UACA: variants seen among roughly 807,000 people sequenced by gnomAD.
The protein encoded by UACA is uveal autoantigen with coiled-coil domains and ankyrin repeats.
UACA carries 112 observed loss-of-function variants against 160.5 expected under a neutral mutation model. That is an observed-to-expected ratio of 0.70 (90% confidence interval 0.60 to 0.82). The LOEUF is 0.82. Among genes scored for constraint, UACA ranks in the 40% least tolerant of loss-of-function variants. The pLI is 0.00. For missense variants in UACA, 1,574 were observed against 1,614.6 expected (o/e 0.97, Z 0.43); for synonymous variants, 557 against 568.4 (o/e 0.98, Z 0.29).
intron 1 of UACA, among the ~76,000 whole-genome samples, chr15:70,714,943 T>A (rs184619130): frequency 2.2e-4 from 34 of 152,346 alleles, no homozygotes; most frequent in Admixed American, 1.9e-3. Flanking sequence ...GGAGATGCAT[T>A]AAATTACTAA....
chr15:70,696,501 C>T (rs1005470623), intron 2 of UACA, among the ~76,000 whole-genome samples: 2 of 152,202 alleles, frequency 1.3e-5, no homozygotes, highest in Admixed American at 1.3e-4. Context: ...CTCAGTCTTG[C>T]GACGCTATTA....
chr15:70,738,906 T>G (rs1253155657), intron 1 of UACA, among the ~76,000 whole-genome samples: 3 of 152,230 alleles, frequency 2.0e-5, no homozygotes, highest in Non-Finnish European at 2.9e-5. Context: ...TACAGTCAAC[T>G]AGTAAACAGG....
chr15:70,719,415 C>T (rs1005069611), intron 1 of UACA, among the ~76,000 whole-genome samples: 4 of 152,246 alleles, frequency 2.6e-5, no homozygotes, highest in South Asian at 2.1e-4. Context: ...GGGATTCCCC[C>T]GACAGGCAGA....
At chr15:70,707,073 T>C (rs1898542455) in intron 1 of UACA, among the ~76,000 whole-genome samples, 1 of 152,178 alleles carries the variant, frequency 6.6e-6, no homozygotes, top group South Asian at 2.1e-4. Context: ...AGTGTCATAA[T>C]GGCATAAAGA....
intron 1 of UACA, chr15:70,702,426 A>T: frequency 1.9e-6 from 1 of 527,170 alleles, no homozygotes; most frequent in Non-Finnish European, 2.4e-6. Flanking sequence ...AGCAGCTAAG[A>T]ATATATTGTA....
chr15:70,689,574 A>C (rs1897852484), intron 5 of UACA, among the ~76,000 whole-genome samples: 1 of 152,126 alleles, frequency 6.6e-6, no homozygotes, highest in Non-Finnish European at 1.5e-5. Context: ...TAAGGTATAA[A>C]ATTTTGAAGG....
intron 1 of UACA, among the ~76,000 whole-genome samples, chr15:70,717,911 A>G (rs1230552638): frequency 6.6e-6 from 1 of 151,998 alleles, no homozygotes; most frequent in Non-Finnish European, 1.5e-5. Flanking sequence ...AGAAGAAGCA[A>G]TTCTACCTCA....
At position 70,684,437 on chromosome 15, in the gene UACA, G is replaced by A. The variant is rs145754980; in HGVS notation, c.612C>T (p.Leu204=). 149 of 1,608,210 alleles carry A rather than the reference G, an allele frequency of 9.3e-5. No homozygotes were observed. Among genetic ancestry groups the A allele is most frequent in the South Asian group, 7.7e-4 (69 of 89,396 alleles). The change falls in exon 8 of 19, where the codon CTC becomes CTT. Residue 204 remains leucine, a synonymous_variant. Coordinates refer to ENST00000322954, the MANE Select transcript of UACA (RefSeq NM_018003.4). ...TGCAACCATATTCGCAACCTAGCAT[G>A]AGGGCAGTTCTAAATGGAAAAATGG... ...NSRDKQNRTA[L]MLGCEYGCRD...
rs143075822 is a variant in UACA, at chr15:70,713,292, G to A, written c.79-13632C>T. ...GAACCCAGGAGGCAGAGCCTGCAGT[G>A]AGCCGAGATCGCGCCACTGCACTCC... On this transcript the variant is annotated intron_variant, in intron 1 of 18. Coordinates refer to ENST00000322954, the MANE Select transcript of UACA (RefSeq NM_018003.4). Among the ~76,000 whole-genome samples, 643 of 152,320 alleles carry A rather than the reference G, an allele frequency of 4.2e-3. 3 individuals are homozygous for A. Among genetic ancestry groups the A allele is most frequent in the Non-Finnish European group, 6.7e-3 (454 of 68,020 alleles).
At chr15:70,663,653 A>G (rs1896798167) in intron 17 of UACA, among the ~76,000 whole-genome samples, 1 of 152,150 alleles carries the variant, frequency 6.6e-6, no homozygotes, top group African/African-American at 2.4e-5. Context: ...GATTAAGAAA[A>G]TGTGGCACAT....
chr15:70,725,145 G>A (rs1190610946), intron 1 of UACA, among the ~76,000 whole-genome samples: 1 of 151,576 alleles, frequency 6.6e-6, no homozygotes, highest in African/African-American at 2.4e-5. Flanking sequence ...ATAGATTTTT[G>A]GTAAATCCTA....
In UACA at chr15:70,668,947, C is replaced by A; in HGVS notation, c.1737G>T (p.Arg579Ser). 1 of 1,613,792 alleles carries A rather than the reference C, an allele frequency of 6.2e-7. No homozygotes were observed. Among genetic ancestry groups the A allele is most frequent in the Non-Finnish European group, 8.5e-7 (1 of 1,179,964 alleles). Reference protein sequence around the residue: ...QNEMIVEEFKRDEGKLIEENK... With the variant: ...QNEMIVEEFKSDEGKLIEENK... ...TTTCTTCTATCAGCTTGCCTTCATC[C>A]CTCTTAAACTCTTCTACTATCATCT... The change falls in exon 16 of 19, where the codon AGG (arginine) becomes AGT (serine). Residue 579 changes from arginine to serine, a missense_variant. Transcript: ENST00000322954.
In UACA at chr15:70,669,141, G is replaced by A; in HGVS notation, c.1543C>T (p.Gln515Ter). The stretch of plus-strand genomic sequence containing the variant: ...AGGGCAAGAAAATGGGTCTGCATTT[G>A]TTTAACTTTACCTTCTGACTCATAC... ...RMYESEGKVK[Q>*]MQTHFLALKE... Residue 515 changes from glutamine to a stop codon, truncating the protein, a stop_gained, in exon 16 of 19, where the codon CAA (glutamine) becomes TAA (stop). Transcript: ENST00000322954. LOFTEE classifies it high-confidence loss of function. 1 of 1,614,078 alleles carries A rather than the reference G, an allele frequency of 6.2e-7. No homozygotes were observed. Among genetic ancestry groups the A allele is most frequent in the Non-Finnish European group, 8.5e-7 (1 of 1,179,986 alleles).
intron 15 of UACA, among the ~76,000 whole-genome samples, chr15:70,669,979 T>C (rs1219922933): frequency 6.6e-6 from 1 of 152,220 alleles, no homozygotes; most frequent in Non-Finnish European, 1.5e-5. Context: ...ACCTTCACTG[T>C]TAATCCAACA....
intron 7 of UACA, among the ~76,000 whole-genome samples, chr15:70,684,807 T>C (rs1048901952): frequency 3.9e-5 from 6 of 152,164 alleles, no homozygotes; most frequent in African/African-American, 7.2e-5. Context: ...GTTACAGATA[T>C]AGATTTTACT....
At chr15:70,737,543 T>G (rs1899406696) in intron 1 of UACA, among the ~76,000 whole-genome samples, 1 of 151,788 alleles carries the variant, frequency 6.6e-6, no homozygotes, top group African/African-American at 2.4e-5. Context: ...CCCATCTCTA[T>G]TAAAAATACA....
the UACA span, among the ~76,000 whole-genome samples, chr15:70,775,020 C>G: frequency 6.6e-6 from 1 of 152,056 alleles, no homozygotes; most frequent in Non-Finnish European, 1.5e-5. Flanking sequence ...GATCACGCTA[C>G]AGCATTCCAG....
At chr15:70,730,079 G>A (rs1899276408) in intron 1 of UACA, among the ~76,000 whole-genome samples, 1 of 22,162 alleles carries the variant, frequency 4.5e-5, no homozygotes, top group Admixed American at 4.1e-4. Flanking sequence ...CTAAAACGCA[G>A]AGCGCCTCTC....
chr15:70,660,298 C>T, intron 17 of UACA, 82 bp from the exon 18 acceptor site: 2 of 1,160,400 alleles, frequency 1.7e-6, no homozygotes, highest in Middle Eastern at 2.0e-4. Context: ...CTTCATGCTA[C>T]AAAACTATTA....
Sources: gnomAD v4.1 joint callset for allele counts (sites outside exome capture counted in the v4.1 genomes callset) on GRCh38, gnomAD v4.1.1 for gene constraint, MANE v1.5 for transcripts, NCBI Gene and HGNC (gene_info 2026-07-23, HGNC 2026-07-21) for gene names.